ADAMTS19: variants seen among roughly 807,000 people sequenced by gnomAD.
ADAMTS19 encodes ADAM metallopeptidase with thrombospondin type 1 motif 19, also known as A disintegrin and metalloproteinase with thrombospondin motifs 19.
Under a neutral mutation model 153.3 loss-of-function variants are expected in ADAMTS19, and 93 were observed. The observed-to-expected ratio is 0.61, with a 90% confidence interval of 0.51 to 0.72. ADAMTS19 has a LOEUF of 0.72. Ranked by LOEUF, ADAMTS19 falls within the 30% of genes least tolerant of loss-of-function variation. The probability of loss-of-function intolerance (pLI) is 0.00; values close to 1 mark genes in which losing one functional copy is unlikely to be tolerated. For missense variants in ADAMTS19, 1,482 were observed against 1,552.1 expected, an observed-to-expected ratio of 0.95 and a Z score of 0.76; for synonymous variants, 600 against 556.6, an observed-to-expected ratio of 1.08 and a Z score of -1.10.
chr5:129,477,388 G>C (rs575127803), intron 2 of ADAMTS19, among the ~76,000 whole-genome samples: 5 of 152,252 alleles, frequency 3.3e-5, no homozygotes, highest in African/African-American at 1.2e-4. Context: ...GGCCCCAAGA[G>C]ATTACACAAT....
intron 7 of ADAMTS19, among the ~76,000 whole-genome samples, chr5:129,585,407 C>G (rs930308430): frequency 6.6e-6 from 1 of 151,962 alleles, no homozygotes; most frequent in Admixed American, 6.6e-5. Flanking sequence ...TCCCTAAGGA[C>G]AGTTTTCATT....
At chr5:129,592,315 G>A (rs905337679) in intron 7 of ADAMTS19, among the ~76,000 whole-genome samples, 1 of 146,596 alleles carries the variant, frequency 6.8e-6, no homozygotes, top group Non-Finnish European at 1.5e-5. Context: ...GGAGGCGGAG[G>A]TTGCAGTGAG....
chr5:129,670,962 A>G, intron 16 of ADAMTS19, among the ~76,000 whole-genome samples: 1 of 152,194 alleles, frequency 6.6e-6, no homozygotes, highest in Non-Finnish European at 1.5e-5. Flanking sequence ...CCTTAGGCCT[A>G]AGTGAGCAGG....
intron 17 of ADAMTS19, among the ~76,000 whole-genome samples, chr5:129,680,774 A>C (rs1271984050): frequency 6.3e-5 from 7 of 110,712 alleles, no homozygotes; most frequent in African/African-American, 2.4e-4. Context: ...AAAAAAAAAA[A>C]ACAAAAAAAA....
intron 6 of ADAMTS19, among the ~76,000 whole-genome samples, chr5:129,549,872 GTA>G (rs10542939): frequency 4.3e-5 from 2 of 46,464 alleles, no homozygotes; most frequent in African/African-American, 4.3e-4. Flanking sequence ...ATCCGTATAT[GTA>G]TATATGTATC....
chr5:129,648,397 C>G (rs998774046), intron 12 of ADAMTS19, among the ~76,000 whole-genome samples: 1 of 152,142 alleles, frequency 6.6e-6, no homozygotes, highest in African/African-American at 2.4e-5. Context: ...GAGCTTTAAA[C>G]TCTATTGGTG....
rs370012257 is a variant in ADAMTS19 at position 129,673,389 on chromosome 5, A to T, written c.2507-6375A>T. Among the ~76,000 whole-genome samples the T allele has an allele frequency of 9.9e-5, 15 of 152,198 alleles. No individual in the cohort carries two copies. In the East Asian group the frequency reaches 2.3e-3, roughly 23 times the overall value. On this transcript the variant is annotated intron_variant, in intron 16 of 22. Transcript: ENST00000274487. ...TTCAAAAGATTTTCATATTAGCACC[A>T]TGATTTCTACTTTGATTCATGAGTT...
chr5:129,463,387 A>G (rs543943633), intron 2 of ADAMTS19, among the ~76,000 whole-genome samples: 2 of 152,308 alleles, frequency 1.3e-5, no homozygotes, highest in African/African-American at 4.8e-5. Flanking sequence ...TAGAACTTAA[A>G]GTATTTATAA....
chr5:129,733,686 A>T (rs1419307881), intron 21 of ADAMTS19, among the ~76,000 whole-genome samples: 1 of 152,096 alleles, frequency 6.6e-6, no homozygotes, highest in Non-Finnish European at 1.5e-5. Context: ...GAGAAAAGGG[A>T]ATACTTATAC....
intron 7 of ADAMTS19, among the ~76,000 whole-genome samples, chr5:129,555,768 C>G (rs1329845773): frequency 6.6e-6 from 1 of 152,166 alleles, no homozygotes; most frequent in South Asian, 2.1e-4. Context: ...TCTGACTGTA[C>G]TGTCACCTTT....
At chr5:129,474,629 A>T (rs1269275554) in intron 2 of ADAMTS19, among the ~76,000 whole-genome samples, 1 of 152,130 alleles carries the variant, frequency 6.6e-6, no homozygotes, top group Non-Finnish European at 1.5e-5. Flanking sequence ...ACATTTACAG[A>T]ATTGTGCAAC....
chr5:129,495,879 C>G (rs891694113), intron 2 of ADAMTS19, among the ~76,000 whole-genome samples: 2 of 151,920 alleles, frequency 1.3e-5, no homozygotes, highest in African/African-American at 4.8e-5. Flanking sequence ...TGTATGATCT[C>G]CTATAGCAGC....
intron 6 of ADAMTS19, among the ~76,000 whole-genome samples, chr5:129,540,098 C>T (rs921527233): frequency 3.9e-5 from 6 of 152,034 alleles, no homozygotes; most frequent in Admixed American, 1.3e-4. Flanking sequence ...ATGTTAATCT[C>T]CCTGGATTGC....
intron 7 of ADAMTS19, among the ~76,000 whole-genome samples, chr5:129,561,522 C>A (rs537639499): frequency 7.0e-6 from 1 of 141,988 alleles, no homozygotes; most frequent in African/African-American, 2.7e-5. Flanking sequence ...GGTGACAGAG[C>A]GAGACTCCGT....
intron 21 of ADAMTS19, among the ~76,000 whole-genome samples, chr5:129,707,994 A>T (rs1207883719): frequency 6.6e-6 from 1 of 152,224 alleles, no homozygotes; most frequent in Non-Finnish European, 1.5e-5. Flanking sequence ...GACTAAATGG[A>T]GGATGACTGA....
chr5:129,497,331 T>C (rs1358880315), intron 2 of ADAMTS19, among the ~76,000 whole-genome samples: 3 of 152,122 alleles, frequency 2.0e-5, no homozygotes, highest in Non-Finnish European at 4.4e-5. Context: ...TCCTCAGGGA[T>C]TGATCTTAGG....
chr5:129,648,874 G>C lies in ADAMTS19; in HGVS notation c.2080G>C (p.Gly694Arg). ...ATGTGAGAATCCACCTTGTCCTGCAGGTTTGCCTGGATTCAGAGACTGGCA... is the reference window on the plus strand; with the variant it reads ...ATGTGAGAATCCACCTTGTCCTGCACGTTTGCCTGGATTCAGAGACTGGCA... ...RICENPPCPA[G>R]LPGFRDWQCQ... Residue 694 changes from glycine (G) to arginine (R), a missense_variant, in exon 13 of 23, where the codon GGT becomes CGT. Physicochemically the swap from Gly to Arg is moderately radical, Grantham distance 125. Around this residue, in one of 2 missense-constraint regions of ADAMTS19, gnomAD observed 616 missense variants for 724.4 expected, o/e 0.85. Transcript: ENST00000274487. The C allele has an allele frequency of 3.1e-6, 5 of 1,613,912 alleles. No individual in the cohort carries two copies. The highest frequency in any genetic ancestry group is 4.2e-6 in the Non-Finnish European group (5 of 1,179,892).
intron 7 of ADAMTS19, among the ~76,000 whole-genome samples, chr5:129,595,432 T>C (rs1301593723): frequency 2.0e-5 from 3 of 152,108 alleles, no homozygotes; most frequent in Non-Finnish European, 4.4e-5. Context: ...AGGTGATTCT[T>C]TTAAAATTTT....
intron 18 of ADAMTS19, among the ~76,000 whole-genome samples, chr5:129,684,726 G>C (rs1326607340): frequency 6.6e-6 from 1 of 152,114 alleles, no homozygotes; most frequent in Admixed American, 6.5e-5. Flanking sequence ...GGTGGCTCAC[G>C]CCTGTAATCC....
Sources: allele counts gnomAD v4.1 joint callset (sites outside exome capture counted in the v4.1 genomes callset), GRCh38; gene constraint gnomAD v4.1.1; regional missense constraint gnomAD v4.1.1; transcripts MANE v1.5; gene names NCBI Gene and HGNC (gene_info 2026-07-23, HGNC 2026-07-21).